Variants in ATP2C2 observed in about 807,000 individuals in gnomAD.
ATP2C2 encodes ATPase secretory pathway Ca2+ transporting 2, also known as calcium-transporting ATPase type 2C member 2.
In ATP2C2, 171 loss-of-function variants were observed where a neutral mutation model predicts 110.8. The ratio of observed to expected loss-of-function variants is 1.54; its 90% confidence interval spans 1.36 to 1.75. The LOEUF (loss-of-function observed/expected upper bound fraction) is 1.75, where lower values mean the gene tolerates loss of function less well. Among genes scored for constraint, ATP2C2 ranks in the 40% most tolerant of loss-of-function variants. The probability of loss-of-function intolerance (pLI) is 0.00; values close to 1 mark genes in which losing one functional copy is unlikely to be tolerated. For missense variants in ATP2C2, 1,963 were observed against 1,235.0 expected, an observed-to-expected ratio of 1.59 and a Z score of -8.84; for synonymous variants, 804 against 508.4, an observed-to-expected ratio of 1.58 and a Z score of -7.82.
At chr16:84,385,859 G>A (rs1904311804) in intron 1 of ATP2C2, among the ~76,000 whole-genome samples, 2 of 152,320 alleles carry the variant, frequency 1.3e-5, no homozygotes, top group Non-Finnish European at 2.9e-5. Flanking sequence ...CCAACATGCG[G>A]GGATTACACT....
At chr16:84,444,521 C>G (rs1909570255) in intron 15 of ATP2C2, among the ~76,000 whole-genome samples, 1 of 152,174 alleles carries the variant, frequency 6.6e-6, no homozygotes. Context: ...CTTCCATTCA[C>G]AGAAGAGAAT....
intron 17 of ATP2C2, among the ~76,000 whole-genome samples, chr16:84,451,476 C>G (rs1181944457): frequency 6.6e-6 from 1 of 152,228 alleles, no homozygotes; most frequent in Non-Finnish European, 1.5e-5. Flanking sequence ...TCTGCCCTCC[C>G]TTTCAGGCTA....
chr16:84,458,495 TAA>T (rs10534660), intron 21 of ATP2C2, among the ~76,000 whole-genome samples: 59,755 of 141,730 alleles, frequency 0.42, 12,444 homozygotes, highest in Non-Finnish European at 0.47. Flanking sequence ...TAGAGTATAA[TAA>T]AAAAAAAAAA....
chr16:84,396,022 G>A (rs1362833033), intron 1 of ATP2C2, among the ~76,000 whole-genome samples: 3 of 152,080 alleles, frequency 2.0e-5, no homozygotes, highest in African/African-American at 4.8e-5. Context: ...CTGTCTCTGT[G>A]AGTTTGACTA....
At chr16:84,386,782 CTG>C (rs1904338464) in intron 1 of ATP2C2, among the ~76,000 whole-genome samples, 1 of 152,182 alleles carries the variant, frequency 6.6e-6, no homozygotes, top group Admixed American at 6.5e-5. Context: ...GAGGAGGAAA[CTG>C]TGACTCAGAA....
intron 1 of ATP2C2, among the ~76,000 whole-genome samples, chr16:84,375,491 A>G: frequency 6.6e-6 from 1 of 151,674 alleles, no homozygotes; most frequent in East Asian, 1.9e-4. Context: ...CAGTGAGCCA[A>G]GATCATGTCC....
In ATP2C2 at chr16:84,410,019, C is replaced by T. The variant is rs1032499582; in HGVS notation, c.418-549C>T. On this transcript the variant is annotated intron_variant, in intron 4 of 26. Transcript: ENST00000262429. ...GTCAGGAGATCGAGACCATCCTGGC[C>T]CACATGGTGAAAGCCCGTCTCTACA... Among the ~76,000 whole-genome samples the T allele has an allele frequency of 4.6e-5, 7 of 151,866 alleles. No individual in the cohort carries two copies. In the East Asian group the frequency reaches 7.8e-4, roughly 17 times the overall value.
At chr16:84,389,720 CTTT>C (rs3085090) in intron 1 of ATP2C2, among the ~76,000 whole-genome samples, 57 of 120,176 alleles carry the variant, frequency 4.7e-4, no homozygotes, top group African/African-American at 9.0e-4. Flanking sequence ...TCACTGTTTC[CTTT>C]TTTTTTTTTT....
In ATP2C2 at chr16:84,461,792, G is replaced by A. The variant is rs746803305; in HGVS notation, c.2560G>A (p.Ala854Thr). The A allele has an allele frequency of 7.4e-6, 12 of 1,613,990 alleles. No individual in the cohort carries two copies. The highest frequency in any genetic ancestry group is 1.7e-5 in the Admixed American group (1 of 60,004). Residue 854 changes from alanine (A) to threonine (T), a missense_variant, in exon 25 of 27, where the codon GCC becomes ACC. By Grantham distance (58) the Ala-to-Thr change is moderately conservative. Coordinates refer to ENST00000262429, the MANE Select transcript of ATP2C2 (RefSeq NM_014861.4). The part of the protein sequence containing the change: ...TCFVFFDLFN[A>T]LTCRSQTKLI... Reference sequence around the variant, plus strand: ...TTTTGTGTTTTTCGATCTCTTCAACGCCTTGACCTGCCGCTCTCAGGTGAG... The same window carrying A: ...TTTTGTGTTTTTCGATCTCTTCAACACCTTGACCTGCCGCTCTCAGGTGAG...
At chr16:84,458,969 T>G in intron 21 of ATP2C2, 151 bp from the exon 22 acceptor site, 1 of 783,850 alleles carries the variant, frequency 1.3e-6, no homozygotes, top group Non-Finnish European at 2.1e-6. Context: ...CCTACAAATG[T>G]GTCCCCAAGA....
At chr16:84,401,185 G>T (rs967232915) in intron 2 of ATP2C2, among the ~76,000 whole-genome samples, 1 of 143,128 alleles carries the variant, frequency 7.0e-6, no homozygotes, top group African/African-American at 2.5e-5. Flanking sequence ...TCTCTTGATA[G>T]TTTCATAGTC....
chr16:84,461,817 G>A lies in ATP2C2; in HGVS notation c.2580+5G>A, dbSNP rs1450290270. The A allele has an allele frequency of 1.2e-6, 2 of 1,612,542 alleles. No homozygotes were observed. ...GCCTTGACCTGCCGCTCTCAGGTGA[G>A]ACCCGGGCTGACCCTCCTCGCTGCA... is the stretch of plus-strand genomic sequence containing the variant. On this transcript the variant is annotated splice_donor_5th_base_variant and intron_variant, in intron 25 of 26. Transcript: ENST00000262429.
chr16:84,388,585 G>C (rs1416260106), intron 1 of ATP2C2, among the ~76,000 whole-genome samples: 1 of 152,152 alleles, frequency 6.6e-6, no homozygotes, highest in Non-Finnish European at 1.5e-5. Context: ...AGAAGCCTTG[G>C]AAAGAAGGAA....
At chr16:84,446,567 T>A in intron 16 of ATP2C2, 137 bp downstream of exon 16, 2 of 541,866 alleles carry the variant, frequency 3.7e-6, no homozygotes, top group African/African-American at 2.0e-5. Context: ...TGGAAAAACT[T>A]AATCACCATC....
chr16:84,452,663 T>C (rs1910400415), intron 18 of ATP2C2, among the ~76,000 whole-genome samples: 1 of 152,030 alleles, frequency 6.6e-6, no homozygotes, highest in Non-Finnish European at 1.5e-5. Flanking sequence ...CGCGCCCAGC[T>C]AATTTTTTGT....
intron 1 of ATP2C2, among the ~76,000 whole-genome samples, chr16:84,388,324 C>CA (rs61000660): frequency 0.18 from 25,126 of 143,440 alleles, 2,172 homozygotes; most frequent in South Asian, 0.3. Flanking sequence ...GACTCTGTCT[C>CA]AAAAAAAAAA....
intron 2 of ATP2C2, among the ~76,000 whole-genome samples, chr16:84,398,940 T>A (rs984896647): frequency 1.3e-5 from 2 of 152,172 alleles, no homozygotes; most frequent in African/African-American, 4.8e-5. Flanking sequence ...CACAGTCCAG[T>A]GTTAGAGGTA....
chr16:84,403,088 C>T (rs1290467943), intron 2 of ATP2C2, among the ~76,000 whole-genome samples: 1 of 152,062 alleles, frequency 6.6e-6, no homozygotes, highest in Non-Finnish European at 1.5e-5. Flanking sequence ...TCCTGGTAGC[C>T]ACTAATGGCC....
intron 16 of ATP2C2, among the ~76,000 whole-genome samples, chr16:84,447,552 T>A (rs1210187637): frequency 6.6e-6 from 1 of 151,154 alleles, no homozygotes; most frequent in Non-Finnish European, 1.5e-5. Flanking sequence ...TTATAGTGTG[T>A]GTAATTTGCT....
Sources: gnomAD v4.1 joint callset for allele counts (sites outside exome capture counted in the v4.1 genomes callset) on GRCh38, gnomAD v4.1.1 for gene constraint, MANE v1.5 for transcripts, NCBI Gene and HGNC (gene_info 2026-07-23, HGNC 2026-07-21) for gene names.